Variants in ADGB observed in about 807,000 individuals in gnomAD.
The protein encoded by ADGB is androglobin.
ADGB carries 172 observed loss-of-function variants against 210.5 expected under a neutral mutation model. That is an observed-to-expected ratio of 0.82 (90% CI 0.72 to 0.93). ADGB has a LOEUF of 0.93. ADGB is among the 40% of genes least tolerant of loss of function. The probability of loss-of-function intolerance (pLI) is 0.00; values close to 1 mark genes in which losing one functional copy is unlikely to be tolerated. For synonymous variants in ADGB, 658 were observed against 662.7 expected, an observed-to-expected ratio of 0.99 and a Z score of 0.11; for missense variants, 2,025 against 1,964.8, an observed-to-expected ratio of 1.03 and a Z score of -0.58.
chr6:146,803,214 A>C (rs1778158320), intron 35 of ADGB: 7 of 1,532,978 alleles, frequency 4.6e-6, no homozygotes, highest in Non-Finnish European at 6.3e-6. Flanking sequence ...AGCTACATTC[A>C]ATCTCATATT....
intron 13 of ADGB, among the ~76,000 whole-genome samples, chr6:146,714,414 G>A (rs1391284201): frequency 6.6e-6 from 1 of 152,020 alleles, no homozygotes; most frequent in African/African-American, 2.4e-5. Context: ...CATGAAGGTC[G>A]AGCAGCACAG....
At chr6:146,678,807 T>C (rs563142593) in intron 9 of ADGB, among the ~76,000 whole-genome samples, 7 of 152,220 alleles carry the variant, frequency 4.6e-5, no homozygotes, top group Non-Finnish European at 1.0e-4. Flanking sequence ...TTCATTTTGT[T>C]ATTTTCAAAA....
Position 146,691,496 on chromosome 6 carries a change from ATATATTTT to A in ADGB, c.1486+208_1486+215del, listed in dbSNP as rs1776326040. ...TATATAAATATATATATATATATAT[ATATATTTT>A]TTTTTTTTTTTTTTTTTTTTTGAGA... On this transcript the variant is annotated intron_variant, in intron 11 of 35. Transcript: ENST00000397944. 1.2e-4 allele frequency among the ~76,000 whole-genome samples: 2 copies of A among 16,490 alleles called. 1 individual carries two copies. The highest frequency in any genetic ancestry group is 8.8e-4 in the African/African-American group (2 of 2,280). 10.8% of individuals were successfully genotyped at this position (16,490 alleles called of 152,430 possible).
intron 13 of ADGB, among the ~76,000 whole-genome samples, chr6:146,705,655 A>C (rs1258702046): frequency 6.6e-6 from 1 of 152,084 alleles, no homozygotes; most frequent in Non-Finnish European, 1.5e-5. Flanking sequence ...TGATCTTTTT[A>C]ATGTGCTGTT....
At chr6:146,685,513 A>T (rs1049496865) in intron 9 of ADGB, among the ~76,000 whole-genome samples, 7 of 152,072 alleles carry the variant, frequency 4.6e-5, no homozygotes, top group Non-Finnish European at 1.0e-4. Flanking sequence ...AAGGTCTTAA[A>T]TTATTAAATA....
chr6:146,734,410 T>A (rs2114589042), intron 22 of ADGB, among the ~76,000 whole-genome samples: 1 of 152,346 alleles, frequency 6.6e-6, no homozygotes, highest in African/African-American at 2.4e-5. Flanking sequence ...TCATAGATAT[T>A]TTCACATTTC....
At chr6:146,711,171 C>T (rs930498919) in intron 13 of ADGB, among the ~76,000 whole-genome samples, 1 of 152,174 alleles carries the variant, frequency 6.6e-6, no homozygotes, top group Non-Finnish European at 1.5e-5. Flanking sequence ...AGGATTATTA[C>T]TGCTGAAGCA....
intron 29 of ADGB, among the ~76,000 whole-genome samples, chr6:146,774,756 C>T (rs142745822): frequency 6.6e-6 from 1 of 152,122 alleles, no homozygotes; most frequent in Non-Finnish European, 1.5e-5. Flanking sequence ...GTATTTCACA[C>T]ATCAGTTACT....
intron 30 of ADGB, 91 bp from the exon 31 acceptor site, chr6:146,784,527 C>T: frequency 9.9e-7 from 1 of 1,008,348 alleles, no homozygotes; most frequent in African/African-American, 1.7e-5. Flanking sequence ...CTAGTAAATA[C>T]CTAATAGTGA....
Position 146,599,067 on chromosome 6 carries a change from A to T in ADGB, c.27A>T (p.Lys9Asn), listed in dbSNP as rs1243955495. The stretch of plus-strand genomic sequence containing the variant: ...TGGCCTCCAAACAAACCAAAAAGAA[A>T]GAGGTGCATCGTATCAACTCGGCGC... Reference protein sequence around the residue: MASKQTKKKEVHRINSAHG... With the variant: MASKQTKKNEVHRINSAHG... Residue 9 changes from lysine (K) to asparagine (N), a missense_variant, in exon 1 of 36, where the codon AAA becomes AAT. Transcript: ENST00000397944. 3 of 1,551,612 alleles carry T rather than the reference A, an allele frequency of 1.9e-6. No individual in the cohort carries two copies. Among genetic ancestry groups the T allele is most frequent in the Admixed American group, 3.9e-5 (2 of 50,992 alleles).
chr6:146,801,845 C>G lies in ADGB; in HGVS notation c.4652C>G (p.Pro1551Arg). 1 of 1,544,828 alleles carries G rather than the reference C, an allele frequency of 6.5e-7. No homozygotes were observed. Among genetic ancestry groups the G allele is most frequent in the Non-Finnish European group, 8.7e-7 (1 of 1,143,888 alleles). ...GTATCAAGGAAAACAGATACAGATC[C>G]TCTGCTGCAAACAGATGAATTGAAT... ...SQYVRKTDTD[P>R]LLQTDELNQQ... Residue 1551 changes from proline to arginine, a missense_variant, in exon 35 of 36, where the codon CCT (proline) becomes CGT (arginine). Pro to Arg is a moderately radical substitution (Grantham distance 103). Transcript: ENST00000397944.
chr6:146,749,105 G>C lies in ADGB; in HGVS notation c.3365+2996G>C, dbSNP rs78433991. 2.5e-3 allele frequency among the ~76,000 whole-genome samples: 378 copies of C among 152,294 alleles called. 1 individual carries two copies. Among genetic ancestry groups the C allele is most frequent in the African/African-American group, 8.3e-3 (347 of 41,572 alleles). ...CTGGAGAGAAGAAAAAGGATTTTAA[G>C]ATATTGAGGTAAAATTGACAGCCTT... On this transcript the variant is annotated intron_variant, in intron 26 of 35. Coordinates refer to ENST00000397944, the MANE Select transcript of ADGB (RefSeq NM_024694.4).
chr6:146,672,417 G>A lies in ADGB; in HGVS notation c.1037G>A (p.Ser346Asn). 1.3e-6 allele frequency: 2 copies of A among 1,551,064 alleles called. No homozygotes were observed. Among genetic ancestry groups the A allele is most frequent in the Non-Finnish European group, 1.7e-6 (2 of 1,146,732 alleles). Residue 346 changes from serine (S) to asparagine (N), a missense_variant, in exon 8 of 36, where the codon AGT becomes AAT. Transcript: ENST00000397944. ...VKDVKEFKPESSLTTLKAPEK... is the reference protein window; with the variant it reads ...VKDVKEFKPENSLTTLKAPEK... Reference sequence around the variant, plus strand: ...GACGTGAAGGAATTCAAACCTGAAAGTTCTTTGACAACACTAAAGGCTCCT... The same window carrying A: ...GACGTGAAGGAATTCAAACCTGAAAATTCTTTGACAACACTAAAGGCTCCT...
At chr6:146,632,737 C>CT (rs763768830) in intron 1 of ADGB, among the ~76,000 whole-genome samples, 2 of 152,110 alleles carry the variant, frequency 1.3e-5, no homozygotes, top group Non-Finnish European at 2.9e-5. Flanking sequence ...ACATTTCTGC[C>CT]TTTTGCCCTA....
chr6:146,646,493 GT>G (rs1056512345), intron 3 of ADGB, among the ~76,000 whole-genome samples: 1 of 152,064 alleles, frequency 6.6e-6, no homozygotes, highest in Non-Finnish European at 1.5e-5. Context: ...CTGTCTTTAA[GT>G]TTTATTGTGT....
In ADGB at chr6:146,712,133, C is replaced by G. The variant is rs150620655; in HGVS notation, c.1708-3249C>G. ...ACTCTTTTAGGACCTTCTTTCCATT[C>G]TTAGCATTATGAAATTTCATTATCA... On this transcript the variant is annotated intron_variant, in intron 13 of 35. Transcript: ENST00000397944. Among the ~76,000 whole-genome samples the G allele has an allele frequency of 4.7e-4, 70 of 149,640 alleles. No homozygotes were observed. In the East Asian group the frequency reaches 9.1e-3, roughly 20 times the overall value.
chr6:146,767,560 C>G (rs903197920), intron 28 of ADGB, among the ~76,000 whole-genome samples: 7 of 152,132 alleles, frequency 4.6e-5, no homozygotes, highest in African/African-American at 1.7e-4. Flanking sequence ...TCTCCACCTA[C>G]GGGGTTCAAG....
intron 33 of ADGB, among the ~76,000 whole-genome samples, chr6:146,796,467 T>C (rs1778044001): frequency 6.6e-6 from 1 of 152,140 alleles, no homozygotes; most frequent in Non-Finnish European, 1.5e-5. Context: ...CTTCAAACTA[T>C]ACTACAAGGC....
intron 9 of ADGB, among the ~76,000 whole-genome samples, chr6:146,680,922 C>T (rs1350716548): frequency 1.3e-5 from 2 of 152,136 alleles, no homozygotes; most frequent in African/African-American, 4.8e-5. Flanking sequence ...GCCTCCTATA[C>T]TCTAGCATGT....
Sources: allele counts gnomAD v4.1 joint callset (sites outside exome capture counted in the v4.1 genomes callset), GRCh38; gene constraint gnomAD v4.1.1; transcripts MANE v1.5; gene names NCBI Gene and HGNC (gene_info 2026-07-23, HGNC 2026-07-21).